HIPK2: variants seen among roughly 807,000 people sequenced by gnomAD.
The protein encoded by HIPK2 is homeodomain interacting protein kinase 2.
HIPK2 carries 27 observed loss-of-function variants against 113.7 expected under a neutral mutation model. The observed-to-expected ratio is 0.24, with a 90% CI of 0.17 to 0.33. HIPK2 has a LOEUF of 0.33. Among genes scored for constraint, HIPK2 ranks in the 10% least tolerant of loss-of-function variants. The pLI is 1.00. For missense variants in HIPK2, 1,257 were observed against 1,588.0 expected, an observed-to-expected ratio of 0.79 and a Z score of 3.54; for synonymous variants, 631 against 642.2, an observed-to-expected ratio of 0.98 and a Z score of 0.26.
At chr7:139,713,179 T>C (rs1483438366) in intron 2 of HIPK2, among the ~76,000 whole-genome samples, 4 of 152,080 alleles carry the variant, frequency 2.6e-5, no homozygotes, top group African/African-American at 9.6e-5. Flanking sequence ...AAAAGAGGGC[T>C]CCTGAGGGCC....
chr7:139,572,764 G>GT lies in HIPK2; in HGVS notation c.*162_*163insA. ...GTCCCGACCCGTCCCCCTGCCCTCTGCCCCCCCCCCCCCCCCCGCCCCTGC... is the reference window on the plus strand; with the variant it reads ...GTCCCGACCCGTCCCCCTGCCCTCTGTCCCCCCCCCCCCCCCCCGCCCCTGC... On this transcript the variant is annotated 3_prime_UTR_variant, in exon 15 of 15. Coordinates refer to ENST00000406875, the MANE Select transcript of HIPK2 (RefSeq NM_022740.5). 3.6e-5 allele frequency: 1 copy of GT among 27,800 alleles called. No individual in the cohort carries two copies. The highest frequency in any genetic ancestry group is 6.8e-5 in the Non-Finnish European group (1 of 14,778). The allele number at this position is 27,800 out of a possible 1,614,324, so 1.7% of individuals were successfully genotyped here.
intron 10 of HIPK2, among the ~76,000 whole-genome samples, chr7:139,601,949 CTTTT>C (rs1053542551): frequency 8.6e-6 from 1 of 116,368 alleles, no homozygotes; most frequent in African/African-American, 3.3e-5. Context: ...ATTATGGCTT[CTTTT>C]TTTTTTTTTT....
chr7:139,673,894 A>T (rs1476468158), intron 2 of HIPK2, among the ~76,000 whole-genome samples: 1 of 26,644 alleles, frequency 3.8e-5, no homozygotes, highest in Non-Finnish European at 9.9e-5. Flanking sequence ...CTAAAAAAAA[A>T]AAAAAAAAAA....
At chr7:139,603,831 T>A (rs1215116615) in intron 10 of HIPK2, among the ~76,000 whole-genome samples, 1 of 152,222 alleles carries the variant, frequency 6.6e-6, no homozygotes, top group Non-Finnish European at 1.5e-5. Context: ...ATGACATAAC[T>A]GAATTCTGGG....
In HIPK2 at chr7:139,571,555, C is replaced by A. The variant is rs2116441319; in HGVS notation, c.*1372G>T. The A allele has an allele frequency of 6.6e-6, 1 of 152,332 alleles. No homozygotes were observed. Among genetic ancestry groups the A allele is most frequent in the South Asian group, 2.1e-4 (1 of 4,820 alleles). The allele number at this position is 152,332 out of a possible 1,614,324, so 9.4% of individuals were successfully genotyped here. On this transcript the variant is annotated 3_prime_UTR_variant, in exon 15 of 15. Transcript: ENST00000406875. ...GGGCATCTGTCTCCCATATTTCTTT[C>A]GAGATCCACGGACTCTCTCCTAGCT...
At chr7:139,706,960 A>G (rs1794917699) in intron 2 of HIPK2, among the ~76,000 whole-genome samples, 1 of 152,144 alleles carries the variant, frequency 6.6e-6, no homozygotes, top group African/African-American at 2.4e-5. Context: ...ACCCTGCTCA[A>G]GCCCACTCAG....
At chr7:139,604,755 G>A (rs1368466065) in intron 9 of HIPK2, among the ~76,000 whole-genome samples, 1 of 150,674 alleles carries the variant, frequency 6.6e-6, no homozygotes, top group African/African-American at 2.4e-5. Flanking sequence ...CAGGGACACA[G>A]CTGTATGGAA....
At chr7:139,693,129 T>C (rs992003219) in intron 2 of HIPK2, among the ~76,000 whole-genome samples, 1 of 152,202 alleles carries the variant, frequency 6.6e-6, no homozygotes, top group African/African-American at 2.4e-5. Context: ...AAAGGCTCTA[T>C]CACTTAGTGA....
intron 1 of HIPK2, among the ~76,000 whole-genome samples, chr7:139,745,500 C>G (rs1455031125): frequency 6.6e-6 from 1 of 152,194 alleles, no homozygotes; most frequent in Non-Finnish European, 1.5e-5. Context: ...AACCGCAGGG[C>G]CTCGAGGACT....
In HIPK2 at chr7:139,683,255, G is replaced by A. The variant is rs1433285112; in HGVS notation, c.1103+32677C>T. Among the ~76,000 whole-genome samples, 2 of 152,164 alleles carry A rather than the reference G, an allele frequency of 1.3e-5. No homozygotes were observed. The highest frequency in any genetic ancestry group is 4.8e-5 in the African/African-American group (2 of 41,452). On this transcript the variant is annotated intron_variant, in intron 2 of 14. Transcript: ENST00000406875. The surrounding 1 kb of genome is among the most constrained non-coding windows in gnomAD (Gnocchi z 4.2). ...AAAAATGCGAACAGAGACTGCATTA[G>A]CTGCCTGTTAATGTGTAACAAGGTA...
chr7:139,675,014 G>A (rs1802447337), intron 2 of HIPK2, among the ~76,000 whole-genome samples: 2 of 152,120 alleles, frequency 1.3e-5, no homozygotes, highest in South Asian at 2.1e-4. Flanking sequence ...ACGTGCTCAC[G>A]TCTTGATTGT....
At chr7:139,744,817 G>C (rs1796163924) in intron 1 of HIPK2, among the ~76,000 whole-genome samples, 1 of 152,170 alleles carries the variant, frequency 6.6e-6, no homozygotes, top group Non-Finnish European at 1.5e-5. Context: ...TCACCACGCT[G>C]CTCCCTGCCA....
At chr7:139,638,847 C>T (rs920416095) in intron 2 of HIPK2, among the ~76,000 whole-genome samples, 3 of 151,974 alleles carry the variant, frequency 2.0e-5, no homozygotes, top group Non-Finnish European at 4.4e-5. Flanking sequence ...TTAGTAAAGA[C>T]GCGGTTTCAC....
intron 2 of HIPK2, among the ~76,000 whole-genome samples, chr7:139,677,960 C>A (rs1282090815): frequency 6.6e-6 from 1 of 152,216 alleles, no homozygotes; most frequent in Admixed American, 6.5e-5. Context: ...TTGCATTTCT[C>A]TGATGACCAG....
intron 2 of HIPK2, among the ~76,000 whole-genome samples, chr7:139,673,553 C>T (rs1323759144): frequency 6.6e-6 from 1 of 152,084 alleles, no homozygotes; most frequent in Non-Finnish European, 1.5e-5. Context: ...GTGAGGACTC[C>T]CAGGGGCTGA....
At chr7:139,573,700 G>A (rs773302171) in intron 14 of HIPK2, among the ~76,000 whole-genome samples, 5 of 152,002 alleles carry the variant, frequency 3.3e-5, no homozygotes, top group Non-Finnish European at 5.9e-5. Flanking sequence ...AAAATTAGCC[G>A]GGCATGGTGG....
chr7:139,681,583 A>G (rs918200723), intron 2 of HIPK2, among the ~76,000 whole-genome samples: 1 of 152,174 alleles, frequency 6.6e-6, no homozygotes, highest in Non-Finnish European at 1.5e-5. Context: ...AGGCTGCTCA[A>G]CATCACCTGA....
intron 2 of HIPK2, among the ~76,000 whole-genome samples, chr7:139,678,352 T>C (rs1802577491): frequency 6.6e-6 from 1 of 152,084 alleles, no homozygotes; most frequent in Non-Finnish European, 1.5e-5. Context: ...TATATTTTTG[T>C]ATAAGGTATA....
At chr7:139,660,184 C>A (rs1446961541) in intron 2 of HIPK2, among the ~76,000 whole-genome samples, 1 of 152,110 alleles carries the variant, frequency 6.6e-6, no homozygotes, top group Non-Finnish European at 1.5e-5. Context: ...TCTTGGGAAA[C>A]CACTAAAGGA....
Sources: allele counts gnomAD v4.1 joint callset (sites outside exome capture counted in the v4.1 genomes callset), GRCh38; gene constraint gnomAD v4.1.1; non-coding constraint Gnocchi (gnomAD v3.1); transcripts MANE v1.5; gene names NCBI Gene and HGNC (gene_info 2026-07-23, HGNC 2026-07-21).